The following CEP43 variants were observed in gnomAD, a reference collection of about 807,000 sequenced individuals.
The protein encoded by CEP43 is centrosomal protein 43, also known as FGFR1 oncogene partner.
Under a neutral mutation model 52.6 loss-of-function variants are expected in CEP43, and 36 were observed. The ratio of observed to expected loss-of-function variants is 0.68; its 90% confidence interval spans 0.52 to 0.90. The LOEUF (loss-of-function observed/expected upper bound fraction) is 0.90. Among genes scored for constraint, CEP43 ranks in the 40% least tolerant of loss-of-function variants. CEP43 has a pLI of 0.00. For synonymous variants in CEP43, 192 were observed against 172.4 expected (o/e 1.11, Z -0.89); for missense variants, 506 against 472.8 (o/e 1.07, Z -0.65).
In CEP43 at chr6:167,048,754, A is replaced by G. The variant is rs1280731982; in HGVS notation, c.*8776A>G. ...GATGTAAATAACATAAAACTGTAAT[A>G]TGCCATTATGATGACATTAATGAAA... On this transcript the variant is annotated 3_prime_UTR_variant, in exon 13 of 13. Transcript: ENST00000366847. 6 of 152,254 alleles carry G rather than the reference A, an allele frequency of 3.9e-5. No homozygotes were observed. Among genetic ancestry groups the G allele is most frequent in the Non-Finnish European group, 8.8e-5 (6 of 68,048 alleles). The allele number at this position is 152,254 out of a possible 1,614,324, so 9.4% of individuals were successfully genotyped here.
At chr6:167,015,200 C>T (rs984292221) in intron 7 of CEP43, among the ~76,000 whole-genome samples, 2 of 152,298 alleles carry the variant, frequency 1.3e-5, no homozygotes, top group African/African-American at 4.8e-5. Flanking sequence ...ATTTGGGTCT[C>T]TTCTATTTCA....
chr6:167,036,887 A>G, intron 12 of CEP43: 1 of 403,914 alleles, frequency 2.5e-6, no homozygotes, highest in Non-Finnish European at 3.3e-6. Context: ...GGCTCATTGC[A>G]GCCTCTGCCT....
rs769472032 is a variant in CEP43 at position 167,018,789 on chromosome 6, C to G, written c.580-3620C>G. On this transcript the variant is annotated intron_variant, in intron 7 of 12. Coordinates refer to ENST00000366847, the MANE Select transcript of CEP43 (RefSeq NM_007045.4). ...TCAACTTAGCCAAATCCAGGTGATA[C>G]AAAACCCAAGTAACTGAAGTTTATG... is the stretch of plus-strand genomic sequence containing the variant. Among the ~76,000 whole-genome samples, 8 of 152,250 alleles carry G rather than the reference C, an allele frequency of 5.3e-5. No homozygotes were observed. The South Asian group carries it at 1.5e-3, about 28-fold the overall frequency.
intron 10 of CEP43, among the ~76,000 whole-genome samples, chr6:167,030,611 G>A (rs148590112): frequency 2.9e-4 from 44 of 152,200 alleles, no homozygotes; most frequent in Non-Finnish European, 4.0e-4. Context: ...TGTTTTCTTC[G>A]TTTGCTGATA....
intron 6 of CEP43, among the ~76,000 whole-genome samples, 179 bp downstream of exon 6, chr6:167,011,072 G>C (rs1414308152): frequency 6.6e-6 from 1 of 151,964 alleles, no homozygotes; most frequent in African/African-American, 2.4e-5. Flanking sequence ...GTTTTGCTTT[G>C]TTGGTAGTTG....
chr6:167,037,699 A>G (rs1050722919), intron 12 of CEP43, among the ~76,000 whole-genome samples: 61 of 152,394 alleles, frequency 4.0e-4, no homozygotes, highest in African/African-American at 1.4e-3. Context: ...GGGCAGATGA[A>G]CAGACAAATA....
At position 167,022,628 on chromosome 6, in the gene CEP43, T is replaced by TA. The variant is rs1327440231; in HGVS notation, c.800dup (p.Tyr267Ter). 3.1e-6 allele frequency: 5 copies of TA among 1,611,252 alleles called. No individual in the cohort carries two copies. Among genetic ancestry groups the TA allele is most frequent in the Non-Finnish European group, 4.2e-6 (5 of 1,177,712 alleles). The change falls in exon 8 of 13, where the codon TAC becomes TAAC. Residue 267 changes from tyrosine to a stop codon, truncating the protein, a stop_gained and frameshift_variant. Transcript: ENST00000366847. LOFTEE classifies it high-confidence loss of function. ...TCCCATTCCTAAGCCAGAGAAAACT[T>TA]ACGGTTTGTGAGTAAATGGTTTTTG... ...DDPIPKPEKT[Y>*]GLRKEPRKQA...
intron 7 of CEP43, among the ~76,000 whole-genome samples, chr6:167,021,252 C>T (rs1049275931): frequency 2.0e-5 from 3 of 152,082 alleles, no homozygotes; most frequent in African/African-American, 7.2e-5. Context: ...CCCACAAATT[C>T]ATTATAATTT....
chr6:167,015,941 G>A (rs1320309570), intron 7 of CEP43, among the ~76,000 whole-genome samples: 1 of 151,796 alleles, frequency 6.6e-6, no homozygotes, highest in Non-Finnish European at 1.5e-5. Context: ...TGAAATGAGA[G>A]GGCATTTTAA....
chr6:166,999,622 G>T (rs1192861418), intron 1 of CEP43, 108 bp downstream of exon 1: 2 of 806,212 alleles, frequency 2.5e-6, no homozygotes, highest in Non-Finnish European at 3.5e-6. Flanking sequence ...GAGGGACCGG[G>T]GCCGGCGGGC....
intron 5 of CEP43, among the ~76,000 whole-genome samples, 170 bp from the exon 6 acceptor site, chr6:167,010,643 T>C (rs554876902): frequency 3.2e-4 from 48 of 152,118 alleles, no homozygotes; most frequent in Non-Finnish European, 5.9e-4. Context: ...TGTAGAAGGT[T>C]TTTGAGGGGG....
intron 10 of CEP43, among the ~76,000 whole-genome samples, chr6:167,028,975 G>A (rs1030943131): frequency 6.6e-6 from 1 of 152,198 alleles, no homozygotes; most frequent in Non-Finnish European, 1.5e-5. Flanking sequence ...CATATTTAAA[G>A]CAAGAGTTGC....
At chr6:167,015,620 C>T (rs1445124512) in intron 7 of CEP43, among the ~76,000 whole-genome samples, 1 of 152,218 alleles carries the variant, frequency 6.6e-6, no homozygotes, top group African/African-American at 2.4e-5. Context: ...TAGGGTACCG[C>T]TGCTCCCGGA....
At chr6:167,007,035 C>G (rs943070549) in intron 5 of CEP43, among the ~76,000 whole-genome samples, 8 of 152,210 alleles carry the variant, frequency 5.3e-5, no homozygotes, top group East Asian at 3.8e-4. Context: ...TTGATTGATT[C>G]TATTCCTGTG....
intron 7 of CEP43, among the ~76,000 whole-genome samples, chr6:167,014,703 T>C (rs1007427956): frequency 1.3e-5 from 2 of 152,238 alleles, no homozygotes; most frequent in African/African-American, 4.8e-5. Context: ...CACACTGTTC[T>C]TTATGCGTTA....
At chr6:167,027,159 T>A (rs1780373527) in intron 10 of CEP43, among the ~76,000 whole-genome samples, 1 of 152,048 alleles carries the variant, frequency 6.6e-6, no homozygotes, top group Admixed American at 6.5e-5. Context: ...GAAAGAAAAA[T>A]TGTGAGATGT....
intron 7 of CEP43, among the ~76,000 whole-genome samples, chr6:167,015,675 T>C (rs1468942529): frequency 6.6e-6 from 1 of 152,146 alleles, no homozygotes; most frequent in African/African-American, 2.4e-5. Context: ...CCGGTTGCTT[T>C]CGAATGCAGG....
In CEP43 at chr6:167,040,589, C is replaced by G. The variant is rs1332330914; in HGVS notation, c.*611C>G. The G allele has an allele frequency of 4.8e-6, 5 of 1,048,162 alleles. No homozygotes were observed. Among genetic ancestry groups the G allele is most frequent in the African/African-American group, 1.7e-5 (1 of 59,706 alleles). The allele number at this position is 1,048,162 out of a possible 1,614,324, so 64.9% of individuals were successfully genotyped here. A position where few individuals can be genotyped will look rare whatever the true frequency, so the allele number is the denominator to read the frequency against. On this transcript the variant is annotated 3_prime_UTR_variant, in exon 13 of 13. Transcript: ENST00000366847. ...CTCTTGTGTGTGCTATTTAGTTTTG[C>G]TTGTTTTAAAGAAATCTAGAAGTGG... is the stretch of plus-strand genomic sequence containing the variant.
At chr6:167,036,404 G>A (rs1562534177) in intron 12 of CEP43, 1 of 985,278 alleles carries the variant, frequency 1.0e-6, no homozygotes, top group African/African-American at 1.7e-5. Context: ...AAATGACAGA[G>A]GATGAACTAG....
Sources: gnomAD v4.1 joint callset for allele counts (sites outside exome capture counted in the v4.1 genomes callset) on GRCh38, gnomAD v4.1.1 for gene constraint, MANE v1.5 for transcripts, NCBI Gene and HGNC (gene_info 2026-07-23, HGNC 2026-07-21) for gene names.